The following COL24A1 variants were observed in gnomAD, a reference collection of about 807,000 sequenced individuals.
The protein encoded by COL24A1 is collagen type XXIV alpha 1 chain, also known as collagen alpha-1(XXIV) chain.
A neutral mutation model predicts 253.9 loss-of-function variants in COL24A1; 224 were observed. That is an observed-to-expected ratio of 0.88 (90% CI 0.79 to 0.99). The LOEUF (loss-of-function observed/expected upper bound fraction) is 0.99. Among genes scored for constraint, COL24A1 ranks in the 50% least tolerant of loss-of-function variants. COL24A1 has a pLI of 0.00. For synonymous variants in COL24A1, 685 were observed against 673.7 expected (o/e 1.02, Z -0.26); for missense variants, 2,131 against 2,068.5 (o/e 1.03, Z -0.59).
At chr1:85,886,700 CTACTTGCTTTTGTATTTCT>C (rs1682551030) in intron 32 of COL24A1, among the ~76,000 whole-genome samples, 1 of 151,942 alleles carries the variant, frequency 6.6e-6, no homozygotes, top group African/African-American at 2.4e-5. Context: ...AAATTTTAGA[CTACTTGCTTTTGTATTTCT>C]CATTATATCT....
intron 55 of COL24A1, 29 bp from the exon 56 acceptor site, chr1:85,745,535 G>A: frequency 6.4e-7 from 1 of 1,562,354 alleles, no homozygotes; most frequent in Non-Finnish European, 8.8e-7. Flanking sequence ...TTTGAGATTA[G>A]CAATAAGATC....
At chr1:86,127,919 CAA>C (rs1192602870) in intron 2 of COL24A1, among the ~76,000 whole-genome samples, 1 of 151,954 alleles carries the variant, frequency 6.6e-6, no homozygotes, top group East Asian at 1.9e-4. Flanking sequence ...ACAAAACACT[CAA>C]GTGTTTTATT....
At chr1:86,075,927 A>T (rs1398899562) in intron 7 of COL24A1, among the ~76,000 whole-genome samples, 1 of 152,204 alleles carries the variant, frequency 6.6e-6, no homozygotes, top group Admixed American at 6.5e-5. Context: ...ACAAACCCAC[A>T]GCCAATATCA....
rs1559036542 is a variant in COL24A1, at chr1:86,022,309, A to AGCAG, written c.2203-17_2203-16insCTGC. ...CAACAGCACCCTAAGAGAAGAGAAT[A>AGCAG]ACAGAAGAGAAAGTTATTATACCAC... On this transcript the variant is annotated splice_polypyrimidine_tract_variant and intron_variant, in intron 17 of 59. Transcript: ENST00000370571. 1.3e-6 allele frequency: 2 copies of AGCAG among 1,594,524 alleles called. No individual in the cohort carries two copies. The highest frequency in any genetic ancestry group is 1.7e-5 in the Admixed American group (1 of 59,836).
chr1:85,849,502 G>C, intron 37 of COL24A1, 96 bp from the exon 38 acceptor site: 2 of 924,958 alleles, frequency 2.2e-6, no homozygotes, highest in Non-Finnish European at 3.4e-6. Flanking sequence ...GGATTGGATT[G>C]GACGAGAAGT....
At chr1:85,965,333 A>G (rs1035099382) in intron 22 of COL24A1, among the ~76,000 whole-genome samples, 13 of 152,028 alleles carry the variant, frequency 8.6e-5, no homozygotes, top group Non-Finnish European at 1.6e-4. Context: ...TGAGAATAAC[A>G]ATGTTTTAAA....
chr1:85,922,791 T>A (rs1043952213), intron 24 of COL24A1, among the ~76,000 whole-genome samples: 1 of 152,196 alleles, frequency 6.6e-6, no homozygotes, highest in Non-Finnish European at 1.5e-5. Flanking sequence ...AACATCATAA[T>A]GACAGGATCA....
intron 24 of COL24A1, among the ~76,000 whole-genome samples, chr1:85,936,023 G>T (rs1688219574): frequency 6.8e-6 from 1 of 147,386 alleles, no homozygotes; most frequent in African/African-American, 2.5e-5. Context: ...ACATTTGGTT[G>T]GTCTCTTCCC....
chr1:86,006,563 A>G (rs1695980111), intron 19 of COL24A1, among the ~76,000 whole-genome samples: 1 of 152,224 alleles, frequency 6.6e-6, no homozygotes, highest in Non-Finnish European at 1.5e-5. Flanking sequence ...AAATCCTAGC[A>G]GATAATACAG....
intron 47 of COL24A1, among the ~76,000 whole-genome samples, chr1:85,797,493 T>C (rs183342166): frequency 1.8e-4 from 27 of 152,188 alleles, no homozygotes; most frequent in Non-Finnish European, 3.7e-4. Context: ...GCAGTGGAAA[T>C]AAAGTACACA....
chr1:86,063,691 A>G, intron 8 of COL24A1, 24 bp downstream of exon 8: 1 of 1,500,676 alleles, frequency 6.7e-7, no homozygotes, highest in Non-Finnish European at 9.0e-7. Context: ...CACATGATAC[A>G]AGTCTTATAA....
chr1:85,862,476 C>G (rs1032000698), intron 37 of COL24A1, among the ~76,000 whole-genome samples: 1 of 152,036 alleles, frequency 6.6e-6, no homozygotes, highest in South Asian at 2.1e-4. Context: ...CTGACTGATA[C>G]AGGAATAGAA....
chr1:85,927,131 G>A (rs1048276366), intron 24 of COL24A1, among the ~76,000 whole-genome samples: 71 of 152,272 alleles, frequency 4.7e-4, no homozygotes, highest in African/African-American at 1.4e-3. Context: ...CGTGAGCGAC[G>A]CAGAAGACGG....
chr1:85,869,736 C>A (rs577271856), intron 35 of COL24A1, among the ~76,000 whole-genome samples: 2 of 152,258 alleles, frequency 1.3e-5, no homozygotes, highest in South Asian at 4.1e-4. Flanking sequence ...CCAGCCACTG[C>A]AAAAACATGC....
intron 10 of COL24A1, among the ~76,000 whole-genome samples, chr1:86,051,862 A>C (rs1227654662): frequency 6.6e-6 from 1 of 152,022 alleles, no homozygotes; most frequent in Admixed American, 6.6e-5. Flanking sequence ...TATAAAGAGG[A>C]TGAGTTTTGT....
At position 86,069,053 on chromosome 1, in the gene COL24A1, G is replaced by T. The variant is rs548369254; in HGVS notation, c.1708-5294C>A. Among the ~76,000 whole-genome samples the T allele has an allele frequency of 1.2e-3, 177 of 152,240 alleles. 2 individuals carry two copies. Among genetic ancestry groups the T allele is most frequent in the Middle Eastern group, 6.8e-3 (2 of 294 alleles). ...TGGTCCAGTACATTCCAGCTGTGGT[G>T]GTCACAGTGAAAGACTCCTTTTGTT... On this transcript the variant is annotated intron_variant, in intron 7 of 59. Transcript: ENST00000370571.
At chr1:86,045,737 C>A in intron 12 of COL24A1, 1 of 335,632 alleles carries the variant, frequency 3.0e-6, no homozygotes, top group Non-Finnish European at 5.9e-6. Flanking sequence ...AATGTAAATG[C>A]AGGGAAACAA....
intron 24 of COL24A1, among the ~76,000 whole-genome samples, chr1:85,919,672 C>A (rs1686253486): frequency 3.3e-5 from 5 of 152,056 alleles, no homozygotes; most frequent in Admixed American, 2.0e-4. Flanking sequence ...CACAGTGAGA[C>A]CCTGTCTCTT....
intron 47 of COL24A1, among the ~76,000 whole-genome samples, chr1:85,804,120 G>T (rs949797274): frequency 3.9e-5 from 6 of 152,064 alleles, no homozygotes; most frequent in Non-Finnish European, 7.4e-5. Flanking sequence ...ATTTAAAAAG[G>T]AGTCTAGAAA....
Sources: allele counts gnomAD v4.1 joint callset (sites outside exome capture counted in the v4.1 genomes callset), GRCh38; gene constraint gnomAD v4.1.1; transcripts MANE v1.5; gene names NCBI Gene and HGNC (gene_info 2026-07-23, HGNC 2026-07-21).